COL4A2: variants seen among roughly 807,000 people sequenced by gnomAD.
The protein encoded by COL4A2 is collagen alpha-2(IV) chain.
In COL4A2, 99 loss-of-function variants were observed where a neutral mutation model predicts 200.2. That is an observed-to-expected ratio of 0.49 (90% confidence interval 0.42 to 0.58). The LOEUF (loss-of-function observed/expected upper bound fraction) is 0.58, where lower values mean the gene tolerates loss of function less well. Among genes scored for constraint, COL4A2 ranks in the 20% least tolerant of loss-of-function variants. The pLI, the probability that COL4A2 is intolerant of heterozygous loss-of-function variation, is 0.00. For missense variants in COL4A2, 1,950 were observed against 2,314.1 expected, an observed-to-expected ratio of 0.84 and a Z score of 3.23; for synonymous variants, 897 against 900.6, an observed-to-expected ratio of 1.00 and a Z score of 0.07.
intron 29 of COL4A2, among the ~76,000 whole-genome samples, chr13:110,473,914 G>A (rs748205152): frequency 1.4e-4 from 22 of 151,842 alleles, no homozygotes; most frequent in Non-Finnish European, 2.5e-4. Flanking sequence ...TGATTGAGCC[G>A]AGGGGTTCAA....
chr13:110,366,716 C>T (rs1490865665), intron 4 of COL4A2, among the ~76,000 whole-genome samples: 2 of 152,196 alleles, frequency 1.3e-5, no homozygotes, highest in African/African-American at 4.8e-5. Context: ...ATCAGAAGGA[C>T]ATGGTTAGTG....
chr13:110,407,774 T>A (rs1421156783), intron 4 of COL4A2, among the ~76,000 whole-genome samples: 2 of 152,256 alleles, frequency 1.3e-5, no homozygotes, highest in East Asian at 3.9e-4. Context: ...ATCAGTGCCC[T>A]CCCAGTGCAG....
intron 3 of COL4A2, among the ~76,000 whole-genome samples, chr13:110,327,836 A>T (rs1875698526): frequency 6.6e-6 from 1 of 152,236 alleles, no homozygotes; most frequent in African/African-American, 2.4e-5. Context: ...TTTAAAACTT[A>T]ACGCTTGAAG....
At chr13:110,365,361 G>A (rs185262208) in intron 4 of COL4A2, among the ~76,000 whole-genome samples, 4 of 152,166 alleles carry the variant, frequency 2.6e-5, no homozygotes, top group East Asian at 1.9e-4. Flanking sequence ...GGATGGTCTC[G>A]AACTCCTGAC....
chr13:110,488,564 A>C (rs1430608390), intron 34 of COL4A2, among the ~76,000 whole-genome samples: 2 of 152,158 alleles, frequency 1.3e-5, no homozygotes, highest in African/African-American at 2.4e-5. Context: ...GCACAGATGG[A>C]GGCGCACAGC....
At chr13:110,320,729 A>G (rs1220112731) in intron 3 of COL4A2, among the ~76,000 whole-genome samples, 1 of 152,256 alleles carries the variant, frequency 6.6e-6, no homozygotes, top group Admixed American at 6.5e-5. Flanking sequence ...ATAGGTAGAT[A>G]GAATTCATCC....
At chr13:110,459,625 A>G (rs1594084242) in intron 22 of COL4A2, 2 of 152,212 alleles carry the variant, frequency 1.3e-5, no homozygotes, top group East Asian at 3.8e-4. Context: ...TCTTTTTGAT[A>G]TAATGAAGAT....
intron 3 of COL4A2, among the ~76,000 whole-genome samples, chr13:110,310,354 C>T (rs1228714794): frequency 6.6e-6 from 1 of 152,206 alleles, no homozygotes; most frequent in Non-Finnish European, 1.5e-5. Flanking sequence ...GACTCCGCCT[C>T]CCCACATGAT....
chr13:110,339,285 A>C (rs147004623), intron 3 of COL4A2, among the ~76,000 whole-genome samples: 26 of 152,294 alleles, frequency 1.7e-4, no homozygotes, highest in African/African-American at 5.8e-4. Flanking sequence ...TAGGTGTGGG[A>C]GGGGCAGCAT....
At chr13:110,368,127 C>T (rs1385853028) in intron 4 of COL4A2, among the ~76,000 whole-genome samples, 1 of 152,146 alleles carries the variant, frequency 6.6e-6, no homozygotes, top group Non-Finnish European at 1.5e-5. Flanking sequence ...TAGTCTTCTC[C>T]CAGCCCCGTA....
chr13:110,472,325 C>T (rs919560006), intron 28 of COL4A2, among the ~76,000 whole-genome samples: 2 of 152,046 alleles, frequency 1.3e-5, no homozygotes, highest in South Asian at 2.1e-4. Flanking sequence ...CCGTGTTAGC[C>T]AGGATGGTCT....
At chr13:110,318,152 C>CTT (rs1390338466) in intron 3 of COL4A2, among the ~76,000 whole-genome samples, 1 of 152,194 alleles carries the variant, frequency 6.6e-6, no homozygotes, top group Non-Finnish European at 1.5e-5. Flanking sequence ...ATACTGAAAA[C>CTT]TATGTCCCAG....
At chr13:110,333,560 A>G (rs1876026995) in intron 3 of COL4A2, among the ~76,000 whole-genome samples, 1 of 151,858 alleles carries the variant, frequency 6.6e-6, no homozygotes, top group Non-Finnish European at 1.5e-5. Context: ...TTCTCCAAAC[A>G]TTTTCTAACT....
rs530405750 is a variant in COL4A2, at chr13:110,422,028, C to T, written c.181-2706C>T. Among the ~76,000 whole-genome samples the T allele has an allele frequency of 8.6e-4, 131 of 152,264 alleles. 1 individual carries two copies. The highest frequency in any genetic ancestry group is 2.8e-4 in the Non-Finnish European group (19 of 68,020). On this transcript the variant is annotated intron_variant, in intron 4 of 47. Coordinates refer to ENST00000360467, the MANE Select transcript of COL4A2 (RefSeq NM_001846.4). ...GAAATAATCCCCCTGGTCACTGCTG[C>T]TTGTTTGGTTGGCTAAAAAATAATA...
chr13:110,413,853 T>C (rs1879943201), intron 4 of COL4A2, among the ~76,000 whole-genome samples: 1 of 152,130 alleles, frequency 6.6e-6, no homozygotes, highest in Non-Finnish European at 1.5e-5. Context: ...CCTCAGGGCT[T>C]GGGGAACGGT....
At chr13:110,465,843 G>A (rs901268205) in intron 25 of COL4A2, among the ~76,000 whole-genome samples, 160 bp from the exon 26 acceptor site, 7 of 152,206 alleles carry the variant, frequency 4.6e-5, no homozygotes, top group African/African-American at 1.7e-4. Flanking sequence ...TTGCCCGGAA[G>A]TTCAGAGATG....
rs1305493217 is a variant in COL4A2 at position 110,438,618 on chromosome 13, G to A, written c.862G>A (p.Gly288Ser). 4 of 1,614,094 alleles carry A rather than the reference G, an allele frequency of 2.5e-6. No individual in the cohort carries two copies. The highest frequency in any genetic ancestry group is 3.4e-6 in the Non-Finnish European group (4 of 1,180,042). ...KGSEGEPGIRGISLKGEEGIM... is the reference protein window; with the variant it reads ...KGSEGEPGIRSISLKGEEGIM... ...TTACGCCCCCTCTGCTCTCTCCTAG[G>A]GCATTTCCTTGAAGGGAGAAGAAGG... Residue 288 changes from glycine to serine, a missense_variant and splice_region_variant, in exon 15 of 48, where the codon GGC (glycine) becomes AGC (serine). Coordinates refer to ENST00000360467, the MANE Select transcript of COL4A2 (RefSeq NM_001846.4).
chr13:110,321,332 T>C (rs1274466084), intron 3 of COL4A2, among the ~76,000 whole-genome samples: 1 of 152,202 alleles, frequency 6.6e-6, no homozygotes, highest in Non-Finnish European at 1.5e-5. Flanking sequence ...GTAAAATATA[T>C]GTAACATAAA....
At chr13:110,485,084 C>A in intron 33 of COL4A2, 57 bp downstream of exon 33, 1 of 1,451,466 alleles carries the variant, frequency 6.9e-7, no homozygotes. Context: ...CAGCCCGCAC[C>A]AGCTCGTGCC....
Sources: gnomAD v4.1 joint callset for allele counts (sites outside exome capture counted in the v4.1 genomes callset) on GRCh38, gnomAD v4.1.1 for gene constraint, MANE v1.5 for transcripts, NCBI Gene and HGNC (gene_info 2026-07-23, HGNC 2026-07-21) for gene names.